Variants in MED1 observed in about 807,000 individuals in gnomAD.
MED1 encodes the protein mediator complex subunit 1.
Under a neutral mutation model 121.3 loss-of-function variants are expected in MED1, and 17 were observed. The observed-to-expected ratio is 0.14, with a 90% confidence interval of 0.10 to 0.21. The LOEUF (loss-of-function observed/expected upper bound fraction) is 0.21, where lower values mean the gene tolerates loss of function less well. Ranked by LOEUF, MED1 falls within the 10% of genes least tolerant of loss-of-function variation. The probability of loss-of-function intolerance (pLI) is 1.00; values close to 1 mark genes in which losing one functional copy is unlikely to be tolerated. For synonymous variants in MED1, 661 were observed against 694.4 expected, an observed-to-expected ratio of 0.95 and a Z score of 0.76; for missense variants, 1,558 against 1,919.4, an observed-to-expected ratio of 0.81 and a Z score of 3.52.
intron 10 of MED1, among the ~76,000 whole-genome samples, chr17:39,426,621 G>A (rs552188664): frequency 1.3e-5 from 2 of 150,702 alleles, no homozygotes; most frequent in South Asian, 2.1e-4. Context: ...TGCAACCTCC[G>A]CCTCCCAGGT....
At chr17:39,450,387 G>A (rs979827472) in intron 1 of MED1, among the ~76,000 whole-genome samples, 1 of 152,184 alleles carries the variant, frequency 6.6e-6, no homozygotes, top group Non-Finnish European at 1.5e-5. Flanking sequence ...AATCAGGCAA[G>A]GACTCTAATC....
At position 39,405,295 on chromosome 17, in the gene MED1, C is replaced by T. The variant is rs1285417183; in HGVS notation, c.*2180G>A. 8.7e-6 allele frequency: 14 copies of T among 1,605,180 alleles called. No homozygotes were observed. Among genetic ancestry groups the T allele is most frequent in the South Asian group, 1.1e-5 (1 of 89,182 alleles). On this transcript the variant is annotated 3_prime_UTR_variant, in exon 17 of 17. Coordinates refer to ENST00000300651, the MANE Select transcript of MED1 (RefSeq NM_004774.4). ...CTTATCCTTCATCCAGATCCTAACT[C>T]GGGATTCTTTGATCTGGGATGAAGA...
intron 14 of MED1, among the ~76,000 whole-genome samples, chr17:39,417,660 T>C (rs2048423035): frequency 6.6e-6 from 1 of 151,568 alleles, no homozygotes; most frequent in Non-Finnish European, 1.5e-5. Flanking sequence ...TAAATAAAAA[T>C]AAAAGAGATC....
chr17:39,428,957 A>C (rs569631370), intron 9 of MED1, among the ~76,000 whole-genome samples: 1 of 152,136 alleles, frequency 6.6e-6, no homozygotes, highest in East Asian at 1.9e-4. Context: ...ATCTCAAAAA[A>C]AAAAGACATA....
At chr17:39,422,210 C>G (rs1350240736) in intron 13 of MED1, among the ~76,000 whole-genome samples, 1 of 151,518 alleles carries the variant, frequency 6.6e-6, no homozygotes, top group Non-Finnish European at 1.5e-5. Flanking sequence ...TGTTGCCAGG[C>G]TGAAGCGCAG....
At chr17:39,415,556 A>G (rs1056022668) in intron 14 of MED1, among the ~76,000 whole-genome samples, 3 of 152,138 alleles carry the variant, frequency 2.0e-5, no homozygotes, top group Non-Finnish European at 4.4e-5. Flanking sequence ...CAGGCCTGTA[A>G]TCCCAGAACT....
chr17:39,429,505 G>A (rs1597865300), intron 9 of MED1, among the ~76,000 whole-genome samples: 1 of 151,576 alleles, frequency 6.6e-6, no homozygotes, highest in African/African-American at 2.4e-5. Flanking sequence ...AGACCAGCCT[G>A]GCCAACATGG....
chr17:39,445,956 G>A (rs768605223), intron 2 of MED1, among the ~76,000 whole-genome samples: 1 of 151,496 alleles, frequency 6.6e-6, no homozygotes, highest in Non-Finnish European at 1.5e-5. Context: ...TTGAACCCAG[G>A]AGGCGGAGGA....
intron 2 of MED1, among the ~76,000 whole-genome samples, chr17:39,444,641 C>G (rs200733612): frequency 2.0e-5 from 3 of 151,972 alleles, no homozygotes; most frequent in Admixed American, 6.6e-5. Context: ...GAGGCCAAGG[C>G]GAGCAGATCA....
chr17:39,435,940 C>G (rs2048614159), intron 6 of MED1, among the ~76,000 whole-genome samples: 1 of 152,042 alleles, frequency 6.6e-6, no homozygotes, highest in Non-Finnish European at 1.5e-5. Flanking sequence ...GGCATAATGG[C>G]AGGTACCCAT....
rs1282651621 is a variant in MED1 at position 39,440,702 on chromosome 17, C to G, written c.212-25G>C. 1.3e-6 allele frequency: 2 copies of G among 1,592,704 alleles called. No individual in the cohort carries two copies. Among genetic ancestry groups the G allele is most frequent in the Non-Finnish European group, 8.6e-7 (1 of 1,165,522 alleles). The stretch of plus-strand genomic sequence containing the variant: ...ACTATAAAAGGATGAAAAAAGGAGT[C>G]ACAAAGAATGCTCCAAATGACTTAA... On this transcript the variant is annotated intron_variant, in intron 3 of 16. Coordinates refer to ENST00000300651, the MANE Select transcript of MED1 (RefSeq NM_004774.4). The surrounding 1 kb of genome is among the most constrained non-coding windows in gnomAD (Gnocchi z 4.1).
At chr17:39,432,670 C>T (rs1021281071) in intron 7 of MED1, among the ~76,000 whole-genome samples, 4 of 151,624 alleles carry the variant, frequency 2.6e-5, no homozygotes, top group East Asian at 1.9e-4. Context: ...AAGAGAATTG[C>T]TTGAACCCGG....
In MED1 at chr17:39,434,282, C is replaced by T; in HGVS notation, c.467G>A (p.Gly156Asp). Residue 156 changes from glycine to aspartate, a missense_variant, in exon 7 of 17, where the codon GGC becomes GAC. Gly to Asp is a moderately conservative substitution (Grantham distance 94). Around this residue, in one of 5 missense-constraint regions of MED1, gnomAD observed 443 missense variants for 532.4 expected, o/e 0.83. Transcript: ENST00000300651. ...TGGAAGGTTATACAGATTAACAAGG[C>T]CCTTAAGGTGCTTAGAAAATTCATC... ...NFDEFSKHLK[G>D]LVNLYNLPGD... 1.3e-6 allele frequency: 2 copies of T among 1,569,518 alleles called. No individual in the cohort carries two copies. The highest frequency in any genetic ancestry group is 1.7e-6 in the Non-Finnish European group (2 of 1,161,550).
At chr17:39,421,429 A>C (rs1192203401) in intron 13 of MED1, among the ~76,000 whole-genome samples, 1 of 151,342 alleles carries the variant, frequency 6.6e-6, no homozygotes, top group South Asian at 2.1e-4. Flanking sequence ...GCACACCTAC[A>C]GTCCCAGCTA....
In MED1 at chr17:39,443,645, A is replaced by G. The variant is rs774610803; in HGVS notation, c.133-17T>C. On this transcript the variant is annotated splice_polypyrimidine_tract_variant and intron_variant, in intron 2 of 16. Transcript: ENST00000300651. ...CCTCTTCTCCTGTGTCAAGTGGGAA[A>G]ACATTTGAGGTGAAAATTAACCAGG... 38 of 1,605,056 alleles carry G rather than the reference A, an allele frequency of 2.4e-5. No homozygotes were observed. The highest frequency in any genetic ancestry group is 3.2e-5 in the Non-Finnish European group (37 of 1,171,976).
intron 13 of MED1, 127 bp from the exon 14 acceptor site, chr17:39,420,045 C>T: frequency 1.4e-6 from 1 of 701,364 alleles, no homozygotes; most frequent in Non-Finnish European, 2.4e-6. Flanking sequence ...TTTTCATCAG[C>T]TGATATTATA....
intron 9 of MED1, 80 bp downstream of exon 9, chr17:39,431,035 A>T (rs564264861): frequency 2.3e-5 from 30 of 1,314,824 alleles, no homozygotes; most frequent in South Asian, 1.1e-4. Context: ...ATAAACAAAC[A>T]AACTAAAGGT....
intron 3 of MED1, among the ~76,000 whole-genome samples, chr17:39,441,892 C>T (rs2048678553): frequency 6.6e-6 from 1 of 152,136 alleles, no homozygotes; most frequent in Non-Finnish European, 1.5e-5. Flanking sequence ...CACCTGAGGT[C>T]AGGAGTCCAA....
Position 39,410,448 on chromosome 17 carries a change from A to G in MED1, c.1773T>C (p.His591=), listed in dbSNP as rs1194513477. Residue 591 remains histidine (H), a synonymous_variant, in exon 17 of 17, where the codon CAT becomes CAC. Coordinates refer to ENST00000300651, the MANE Select transcript of MED1 (RefSeq NM_004774.4). ...GAGACACCTTGCTGAAGTCCTCCCC[A>G]TGGCCCACCGACTCATGCCGATCTT... ...SIKDRHESVG[H]GEDFSKVSQN... 2.5e-6 allele frequency: 4 copies of G among 1,613,974 alleles called. No individual in the cohort carries two copies. Among genetic ancestry groups the G allele is most frequent in the Admixed American group, 1.7e-5 (1 of 59,994 alleles).
Sources: gnomAD v4.1 joint callset for allele counts (sites outside exome capture counted in the v4.1 genomes callset) on GRCh38, gnomAD v4.1.1 for gene constraint, gnomAD v4.1.1 regional missense constraint, Gnocchi (gnomAD v3.1) non-coding constraint, MANE v1.5 for transcripts, NCBI Gene and HGNC (gene_info 2026-07-23, HGNC 2026-07-21) for gene names.